Variants in NAALAD2 observed in about 807,000 individuals in gnomAD.
NAALAD2 encodes the protein N-acetylated-alpha-linked acidic dipeptidase 2.
In NAALAD2, 89 loss-of-function variants were observed where a neutral mutation model predicts 95.6. The observed-to-expected ratio is 0.93, with a 90% CI of 0.78 to 1.11. NAALAD2 has a LOEUF of 1.11. Among genes scored for constraint, NAALAD2 ranks in the 50% least tolerant of loss-of-function variants. The pLI is 0.00. For synonymous variants in NAALAD2, 264 were observed against 294.4 expected, an observed-to-expected ratio of 0.90 and a Z score of 1.06; for missense variants, 894 against 872.4, an observed-to-expected ratio of 1.02 and a Z score of -0.31.
intron 12 of NAALAD2, 25 bp downstream of exon 12, chr11:90,169,017 G>T: frequency 6.5e-7 from 1 of 1,543,880 alleles, no homozygotes; most frequent in Non-Finnish European, 8.8e-7. Flanking sequence ...AATTTGAAGT[G>T]AAATTTTCAG....
intron 16 of NAALAD2, 114 bp from the exon 17 acceptor site, chr11:90,181,506 A>G (rs925042439): frequency 2.9e-6 from 2 of 689,688 alleles, no homozygotes; most frequent in Admixed American, 2.7e-5. Context: ...AAGACTCAGT[A>G]GAAAAATGGC....
At chr11:90,177,586 GTT>G (rs57694347) in intron 15 of NAALAD2, among the ~76,000 whole-genome samples, 15 of 28,438 alleles carry the variant, frequency 5.3e-4, no homozygotes, top group African/African-American at 6.9e-4. Context: ...TCTTTTTCTT[GTT>G]TTTTTTTTTT....
intron 6 of NAALAD2, among the ~76,000 whole-genome samples, chr11:90,154,939 GTATATATTATATACGTATACATAATA>G (rs1952005027): frequency 1.1e-5 from 1 of 93,916 alleles, no homozygotes; most frequent in South Asian, 3.1e-4. Context: ...GTATACATAT[GTATATATTATATACGTATACATAATA>G]TGTATATATT....
At chr11:90,191,525 T>C (rs371003079) in intron 18 of NAALAD2, 33 bp from the exon 19 acceptor site, 374 of 1,487,638 alleles carry the variant, frequency 2.5e-4, no homozygotes, top group Non-Finnish European at 3.2e-4. Context: ...TGTATACACT[T>C]TAGTTCAATT....
intron 16 of NAALAD2, 63 bp from the exon 17 acceptor site, chr11:90,181,557 G>A (rs1228247941): frequency 9.0e-7 from 1 of 1,115,942 alleles, no homozygotes; most frequent in East Asian, 2.4e-5. Context: ...AATGGGGAGG[G>A]TGGGAAAGCG....
At position 90,192,640 on chromosome 11, in the gene NAALAD2, T is replaced by A. The variant is rs1420912147; in HGVS notation, c.*893T>A. On this transcript the variant is annotated 3_prime_UTR_variant, in exon 19 of 19. Coordinates refer to ENST00000534061, the MANE Select transcript of NAALAD2 (RefSeq NM_005467.4). ...TGCAAGGAAACCAGAATCATATACC[T>A]TCTCTTGTGAAATCACCATGAAGTG... The A allele has an allele frequency of 6.6e-6, 1 of 152,054 alleles. No individual in the cohort carries two copies. Among genetic ancestry groups the A allele is most frequent in the Non-Finnish European group, 1.5e-5 (1 of 67,900 alleles). 9.4% of individuals were successfully genotyped at this position (152,054 alleles called of 1,614,324 possible).
chr11:90,172,775 T>G (rs1232474180), intron 13 of NAALAD2, among the ~76,000 whole-genome samples: 1 of 152,158 alleles, frequency 6.6e-6, no homozygotes, highest in Admixed American at 6.5e-5. Flanking sequence ...TTAGTAAATA[T>G]CTATAGAAAA....
chr11:90,134,217 C>A (rs1023797367), upstream of NAALAD2, among the ~76,000 whole-genome samples: 1 of 152,090 alleles, frequency 6.6e-6, no homozygotes, highest in African/African-American at 2.4e-5. Context: ...AACAAAAAAA[C>A]GCAATCCCAT....
chr11:90,162,683 T>C (rs1246621634), intron 8 of NAALAD2: 1 of 209,690 alleles, frequency 4.8e-6, no homozygotes, highest in Non-Finnish European at 9.5e-6. Flanking sequence ...GAGAAAATAA[T>C]ATAAAATAGA....
rs149945009 is a variant in NAALAD2 at position 90,163,609 on chromosome 11, T to C, written c.1270T>C (p.Trp424Arg). ...ATTTGGACTTCTGGGTTCCACAGAA[T>C]GGGCTGAGGTAAATAAGACAAAGAA... is the stretch of plus-strand genomic sequence containing the variant. ...EEFGLLGSTEWAEENVKILQE... is the reference protein window; with the variant it reads ...EEFGLLGSTERAEENVKILQE... Residue 424 changes from tryptophan to arginine, a missense_variant, in exon 11 of 19, where the codon TGG (tryptophan) becomes CGG (arginine). Transcript: ENST00000534061. 20 of 1,613,846 alleles carry C rather than the reference T, an allele frequency of 1.2e-5. No homozygotes were observed. Among genetic ancestry groups the C allele is most frequent in the Non-Finnish European group, 1.6e-5 (19 of 1,179,858 alleles).
At chr11:90,173,698 TATAA>T in intron 13 of NAALAD2, 122 bp from the exon 14 acceptor site, 2 of 552,940 alleles carry the variant, frequency 3.6e-6, no homozygotes, top group Non-Finnish European at 6.2e-6. Context: ...TATACATGTG[TATAA>T]ATATATACAT....
At chr11:90,187,338 CT>C (rs879645909) in intron 18 of NAALAD2, among the ~76,000 whole-genome samples, 28 of 151,310 alleles carry the variant, frequency 1.9e-4, no homozygotes, top group Admixed American at 8.7e-4. Context: ...GATTAGGTTA[CT>C]ACCAAACTGT....
intron 13 of NAALAD2, 54 bp from the exon 14 acceptor site, chr11:90,173,770 C>A: frequency 8.1e-7 from 1 of 1,234,518 alleles, no homozygotes; most frequent in Admixed American, 2.1e-5. Flanking sequence ...TTTATTTTGG[C>A]ATAAATGTAG....
chr11:90,191,846 T>C lies in NAALAD2; in HGVS notation c.*99T>C, dbSNP rs1274629264. The C allele has an allele frequency of 1.3e-5, 12 of 931,400 alleles. No homozygotes were observed. Among genetic ancestry groups the C allele is most frequent in the Non-Finnish European group, 1.5e-5 (10 of 674,736 alleles). 57.7% of individuals were successfully genotyped at this position (931,400 alleles called of 1,614,324 possible). Reference sequence around the variant, plus strand: ...TGAAGCCAGGGTGTTCTAAACTCTTTTCATGTCATGTTTTGATTATAGGCT... The same window carrying C: ...TGAAGCCAGGGTGTTCTAAACTCTTCTCATGTCATGTTTTGATTATAGGCT... On this transcript the variant is annotated 3_prime_UTR_variant, in exon 19 of 19. Transcript: ENST00000534061.
intron 11 of NAALAD2, chr11:90,164,464 G>GT (rs986722621): frequency 6.6e-6 from 1 of 152,124 alleles, no homozygotes; most frequent in Non-Finnish European, 1.5e-5. Flanking sequence ...TGTACAAGCT[G>GT]ATTTCTCTAG....
At chr11:90,172,994 A>G (rs1464173363) in intron 13 of NAALAD2, among the ~76,000 whole-genome samples, 3 of 152,136 alleles carry the variant, frequency 2.0e-5, no homozygotes, top group East Asian at 3.8e-4. Context: ...TGAGCAAATC[A>G]GTGTTATAAA....
At chr11:90,133,408 GA>G (rs2134804270), upstream of NAALAD2, among the ~76,000 whole-genome samples, 1 of 152,146 alleles carries the variant, frequency 6.6e-6, no homozygotes, top group South Asian at 2.1e-4. Context: ...GAATGACAGG[GA>G]CCATTGCTAA....
rs759210761 is a variant in NAALAD2, at chr11:90,173,931, GC to G, written c.1502+17del. 1 of 1,506,722 alleles carries G rather than the reference GC, an allele frequency of 6.6e-7. No homozygotes were observed. Among genetic ancestry groups the G allele is most frequent in the South Asian group, 1.1e-5 (1 of 88,552 alleles). The allele number at this position is 1,506,722 out of a possible 1,614,324, so 93.3% of individuals were successfully genotyped here. Reference sequence around the variant, plus strand: ...ATTTGCCTAGGTAAGTTACTGATATGCACCTTTTCTACTGTAGGATAAGTTA... The same window carrying G: ...ATTTGCCTAGGTAAGTTACTGATATGACCTTTTCTACTGTAGGATAAGTTA... On this transcript the variant is annotated intron_variant, in intron 14 of 18. Coordinates refer to ENST00000534061, the MANE Select transcript of NAALAD2 (RefSeq NM_005467.4).
At chr11:90,170,815 A>C (rs1952610372) in intron 13 of NAALAD2, among the ~76,000 whole-genome samples, 7 of 152,198 alleles carry the variant, frequency 4.6e-5, no homozygotes, top group Admixed American at 3.9e-4. Context: ...TATCTAAAAA[A>C]GATGTGGAGG....
Sources: allele counts gnomAD v4.1 joint callset (sites outside exome capture counted in the v4.1 genomes callset), GRCh38; gene constraint gnomAD v4.1.1; transcripts MANE v1.5; gene names NCBI Gene and HGNC (gene_info 2026-07-23, HGNC 2026-07-21).